The following PTPRT variants were observed in gnomAD, a reference collection of about 807,000 sequenced individuals.
The protein encoded by PTPRT is protein tyrosine phosphatase receptor type T, also known as receptor-type tyrosine-protein phosphatase T.
Under a neutral mutation model 176.8 loss-of-function variants are expected in PTPRT, and 56 were observed. That is an observed-to-expected ratio of 0.32 (90% CI 0.26 to 0.40). PTPRT has a LOEUF of 0.40. Ranked by LOEUF, PTPRT falls within the 10% of genes least tolerant of loss-of-function variation. The probability of loss-of-function intolerance (pLI) is 1.00; values close to 1 mark genes in which losing one functional copy is unlikely to be tolerated. For synonymous variants in PTPRT, 783 were observed against 739.0 expected (o/e 1.06, Z -0.96); for missense variants, 1,540 against 1,908.2 (o/e 0.81, Z 3.60).
chr20:42,729,614 G>T (rs924543631), intron 6 of PTPRT, among the ~76,000 whole-genome samples: 4 of 152,130 alleles, frequency 2.6e-5, no homozygotes, highest in African/African-American at 7.2e-5. Flanking sequence ...GCTATATAAC[G>T]AGAAAGCTGG....
chr20:42,321,336 A>C (rs1284732796), intron 11 of PTPRT, among the ~76,000 whole-genome samples: 1 of 152,188 alleles, frequency 6.6e-6, no homozygotes, highest in Non-Finnish European at 1.5e-5. Context: ...CAGAATCTCT[A>C]GGGGTAGGAC....
chr20:42,289,464 T>C (rs1043540298), intron 12 of PTPRT, among the ~76,000 whole-genome samples: 5 of 151,578 alleles, frequency 3.3e-5, no homozygotes, highest in African/African-American at 9.7e-5. Context: ...CATTAAAAAG[T>C]GGGCAAAGGA....
intron 7 of PTPRT, among the ~76,000 whole-genome samples, chr20:42,535,245 T>C (rs2072455834): frequency 6.6e-6 from 1 of 152,076 alleles, no homozygotes; most frequent in South Asian, 2.1e-4. Context: ...ATAATGCATG[T>C]TATCAACTAT....
intron 1 of PTPRT, among the ~76,000 whole-genome samples, chr20:42,966,905 C>G (rs1982328379): frequency 6.6e-6 from 1 of 152,218 alleles, no homozygotes; most frequent in Non-Finnish European, 1.5e-5. Flanking sequence ...CCGCAAATAA[C>G]AGTCACTTGC....
chr20:42,741,957 C>A (rs1287383709), intron 6 of PTPRT, among the ~76,000 whole-genome samples: 1 of 152,108 alleles, frequency 6.6e-6, no homozygotes, highest in Non-Finnish European at 1.5e-5. Context: ...GCAAATATAT[C>A]TGAAAAAGTT....
chr20:42,446,869 C>T (rs1451070877), intron 9 of PTPRT, among the ~76,000 whole-genome samples: 1 of 152,068 alleles, frequency 6.6e-6, no homozygotes. Context: ...TTCCTCCTTC[C>T]ATCTGGTAAT....
At position 42,619,149 on chromosome 20, in the gene PTPRT, G is replaced by C. The variant is rs202063378; in HGVS notation, c.1153+58717C>G. On this transcript the variant is annotated intron_variant, in intron 7 of 30. Transcript: ENST00000373187. ...AGGGCAGGCCTGGTGGTGACAAAAT[G>C]TCTCAGCATTTGCTTGTCTGTAAAG... Among the ~76,000 whole-genome samples, 183 of 150,140 alleles carry C rather than the reference G, an allele frequency of 1.2e-3. 1 individual carries two copies. Among genetic ancestry groups the C allele is most frequent in the Middle Eastern group, 3.4e-3 (1 of 294 alleles).
chr20:42,184,637 C>T (rs1264081611), intron 16 of PTPRT, among the ~76,000 whole-genome samples: 5 of 126,134 alleles, frequency 4.0e-5, no homozygotes, highest in Non-Finnish European at 8.4e-5. Context: ...CTCCTTCTCT[C>T]TCTCTCTCTC....
At chr20:42,176,186 C>T (rs901255585) in intron 16 of PTPRT, among the ~76,000 whole-genome samples, 3 of 152,078 alleles carry the variant, frequency 2.0e-5, no homozygotes, top group African/African-American at 7.2e-5. Flanking sequence ...TTAGGTACAC[C>T]TTGCTCTCTG....
At chr20:42,556,726 A>G (rs1027959266) in intron 7 of PTPRT, among the ~76,000 whole-genome samples, 2 of 152,136 alleles carry the variant, frequency 1.3e-5, no homozygotes, top group Admixed American at 6.6e-5. Flanking sequence ...TTCTATGAGG[A>G]TGCAGAATGA....
chr20:42,302,600 G>C (rs1440855103), intron 12 of PTPRT, among the ~76,000 whole-genome samples: 1 of 152,184 alleles, frequency 6.6e-6, no homozygotes, highest in Non-Finnish European at 1.5e-5. Context: ...TTCTGCCACT[G>C]GGATTGCTGA....
rs143635557 is a variant in PTPRT, at chr20:42,793,689, G to T, written c.215-2223C>A. Among the ~76,000 whole-genome samples, 522 of 152,254 alleles carry T rather than the reference G, an allele frequency of 3.4e-3. 3 individuals are homozygous for T. Among genetic ancestry groups the T allele is most frequent in the African/African-American group, 0.011 (446 of 41,536 alleles). ...TTATTGAATTATCATAAACTCGCAA[G>T]GGGGCAGCTAAAAAGGAGCAATTAT... On this transcript the variant is annotated intron_variant, in intron 2 of 30. Transcript: ENST00000373187.
chr20:43,018,730 C>A (rs1985496233), intron 1 of PTPRT, among the ~76,000 whole-genome samples: 1 of 152,072 alleles, frequency 6.6e-6, no homozygotes, highest in African/African-American at 2.4e-5. Flanking sequence ...TCAACCAAAG[C>A]AAATAAACAA....
chr20:42,354,789 CAAGT>C (rs2058335131), intron 9 of PTPRT, among the ~76,000 whole-genome samples: 1 of 152,200 alleles, frequency 6.6e-6, no homozygotes, highest in Non-Finnish European at 1.5e-5. Context: ...GCAATGGCAC[CAAGT>C]GTTTTGGAGA....
At chr20:42,854,791 G>A (rs901928949) in intron 2 of PTPRT, among the ~76,000 whole-genome samples, 2 of 152,228 alleles carry the variant, frequency 1.3e-5, no homozygotes, top group African/African-American at 2.4e-5. Flanking sequence ...CAGCAGCTGG[G>A]CAAGGGATTG....
At chr20:42,645,748 G>C (rs902440353) in intron 7 of PTPRT, among the ~76,000 whole-genome samples, 2 of 149,188 alleles carry the variant, frequency 1.3e-5, no homozygotes, top group Non-Finnish European at 3.0e-5. Context: ...GTATGTTTCA[G>C]ATGGGATGTG....
rs1205688509 is a variant in PTPRT, at chr20:42,534,642, GA to G, written c.1154-62081del. Reference sequence around the variant, plus strand: ...CAGAGCGAGACTCCATCTCAAAAAAGAAAAAAAGATACAAAACTAGAGTGCT... The same window carrying G: ...CAGAGCGAGACTCCATCTCAAAAAAGAAAAAAGATACAAAACTAGAGTGCT... On this transcript the variant is annotated intron_variant, in intron 7 of 30. Coordinates refer to ENST00000373187, the MANE Select transcript of PTPRT (RefSeq NM_007050.6). Among the ~76,000 whole-genome samples, 3 of 151,880 alleles carry G rather than the reference GA, an allele frequency of 2.0e-5. No individual in the cohort carries two copies. In the East Asian group the frequency reaches 5.8e-4, roughly 29 times the overall value.
At chr20:42,606,263 T>C (rs2073875528) in intron 7 of PTPRT, among the ~76,000 whole-genome samples, 2 of 152,042 alleles carry the variant, frequency 1.3e-5, no homozygotes, top group Admixed American at 6.6e-5. Context: ...CAGGGAGACA[T>C]GTACACACAC....
intron 1 of PTPRT, among the ~76,000 whole-genome samples, chr20:43,110,068 A>T (rs907130199): frequency 4.6e-5 from 7 of 152,120 alleles, no homozygotes; most frequent in African/African-American, 7.2e-5. Context: ...TGTTTACTTG[A>T]CTCATGATTT....
Sources: allele counts gnomAD v4.1 joint callset (sites outside exome capture counted in the v4.1 genomes callset), GRCh38; gene constraint gnomAD v4.1.1; transcripts MANE v1.5; gene names NCBI Gene and HGNC (gene_info 2026-07-23, HGNC 2026-07-21).